The following IL12RB1 variants were observed in gnomAD, a reference collection of about 807,000 sequenced individuals.
IL12RB1 encodes the protein interleukin 12 receptor subunit beta 1.
IL12RB1 carries 64 observed loss-of-function variants against 94.4 expected under a neutral mutation model. That is an observed-to-expected ratio of 0.68 (90% CI 0.55 to 0.83). The LOEUF (loss-of-function observed/expected upper bound fraction) is 0.83, where lower values mean the gene tolerates loss of function less well. Ranked by LOEUF, IL12RB1 falls within the 40% of genes least tolerant of loss-of-function variation. IL12RB1 has a pLI of 0.00. For missense variants in IL12RB1, 814 were observed against 855.6 expected (o/e 0.95, Z 0.61); for synonymous variants, 362 against 355.5 (o/e 1.02, Z -0.21).
At chr19:18,079,103 A>AT (rs2035689386) in intron 4 of IL12RB1, among the ~76,000 whole-genome samples, 2 of 139,544 alleles carry the variant, frequency 1.4e-5, no homozygotes, top group South Asian at 2.3e-4. Context: ...GAACACTTAA[A>AT]ATTTTTTTTT....
intron 4 of IL12RB1, 40 bp from the exon 5 acceptor site, chr19:18,077,695 C>A: frequency 7.3e-7 from 1 of 1,367,022 alleles, no homozygotes; most frequent in South Asian, 1.2e-5. Context: ...GCAGCCCACA[C>A]GTATGTGAGT....
chr19:18,060,423 G>A (rs2034037871), intron 15 of IL12RB1, among the ~76,000 whole-genome samples: 1 of 152,144 alleles, frequency 6.6e-6, no homozygotes, highest in Non-Finnish European at 1.5e-5. Flanking sequence ...AGGTTGCAGT[G>A]AGCCGAGATG....
intron 9 of IL12RB1, among the ~76,000 whole-genome samples, chr19:18,070,241 C>T (rs2034926579): frequency 6.6e-6 from 1 of 152,204 alleles, no homozygotes; most frequent in Non-Finnish European, 1.5e-5. Context: ...TTTGAATGAG[C>T]TGAGTCCTCC....
Position 18,072,925 on chromosome 19 carries a change from C to T in IL12RB1, c.784-576G>A, listed in dbSNP as rs17878406. On this transcript the variant is annotated intron_variant, in intron 8 of 16. Transcript: ENST00000593993. The stretch of plus-strand genomic sequence containing the variant: ...TGGCGCCACTGCACTCCAGCCTGGG[C>T]GACAGAGCAAGACTCCATCTCAAAA... Among the ~76,000 whole-genome samples, 288 of 126,162 alleles carry T rather than the reference C, an allele frequency of 2.3e-3. 2 individuals carry two copies. Among genetic ancestry groups the T allele is most frequent in the African/African-American group, 8.2e-3 (268 of 32,570 alleles). 82.8% of individuals were successfully genotyped at this position (126,162 alleles called of 152,430 possible).
At chr19:18,094,670 C>A (rs2036802071) in intron 1 of IL12RB1, among the ~76,000 whole-genome samples, 1 of 152,090 alleles carries the variant, frequency 6.6e-6, no homozygotes, top group South Asian at 2.1e-4. Context: ...TTGAGATCAG[C>A]CTGGGTAACA....
chr19:18,088,089 T>C (rs2036453891), upstream of IL12RB1, among the ~76,000 whole-genome samples: 1 of 151,522 alleles, frequency 6.6e-6, no homozygotes, highest in Non-Finnish European at 1.5e-5. Context: ...CCCATCTCTA[T>C]AAAAAATAAA....
In IL12RB1 at chr19:18,077,871, G is replaced by A. The variant is rs370823; in HGVS notation, c.410-216C>T. ...GCTCACCCTGTAATTCCAGTATTTT[G>A]GGAGGCCAAGGCAGGAAGATCACTT... is the stretch of plus-strand genomic sequence containing the variant. On this transcript the variant is annotated intron_variant, in intron 4 of 16. Coordinates refer to ENST00000593993, the MANE Select transcript of IL12RB1 (RefSeq NM_005535.3). Among the ~76,000 whole-genome samples, 814 of 152,238 alleles carry A rather than the reference G, an allele frequency of 5.3e-3. 8 individuals carry two copies. Among genetic ancestry groups the A allele is most frequent in the African/African-American group, 0.019 (773 of 41,546 alleles).
At chr19:18,071,523 A>G (rs1258023245) in intron 9 of IL12RB1, among the ~76,000 whole-genome samples, 2 of 152,146 alleles carry the variant, frequency 1.3e-5, no homozygotes, top group Non-Finnish European at 2.9e-5. Flanking sequence ...ATGATGGCAC[A>G]TGCCTATATT....
chr19:18,072,575 A>G (rs528185671), intron 8 of IL12RB1, among the ~76,000 whole-genome samples: 2 of 152,198 alleles, frequency 1.3e-5, no homozygotes, highest in African/African-American at 4.8e-5. Context: ...AATTGACAAA[A>G]CCCACTGACA....
Position 18,073,928 on chromosome 19 carries a change from G to A in IL12RB1, c.701-329C>T, listed in dbSNP as rs952946568. The stretch of plus-strand genomic sequence containing the variant: ...CAATCTCTGCCTTCTGGGTTCAAGC[G>A]ATTCTCCTGCCTCAGCCTTCCAAGT... On this transcript the variant is annotated intron_variant, in intron 7 of 16. Coordinates refer to ENST00000593993, the MANE Select transcript of IL12RB1 (RefSeq NM_005535.3). Among the ~76,000 whole-genome samples the A allele has an allele frequency of 3.9e-5, 6 of 152,184 alleles. No homozygotes were observed. The South Asian group carries it at 1.0e-3, about 26-fold the overall frequency.
chr19:18,082,115 G>T, intron 3 of IL12RB1, 35 bp downstream of exon 3: 1 of 1,306,392 alleles, frequency 7.7e-7, no homozygotes, highest in Non-Finnish European at 1.1e-6. Flanking sequence ...GTGGGATGGT[G>T]GGTGAGGGTT....
In IL12RB1 at chr19:18,079,104, A is replaced by ATTT. The variant is rs562543069; in HGVS notation, c.410-1452_410-1450dup. 2.8e-4 allele frequency among the ~76,000 whole-genome samples: 39 copies of ATTT among 139,854 alleles called. 1 individual carries two copies. Among genetic ancestry groups the ATTT allele is most frequent in the Non-Finnish European group, 3.9e-4 (25 of 64,766 alleles). The allele number at this position is 139,854 out of a possible 152,430, so 91.7% of individuals were successfully genotyped here. The stretch of plus-strand genomic sequence containing the variant: ...TTGGTGTGTGGTGAGAACACTTAAA[A>ATTT]TTTTTTTTTTTTTTTTTGAGATGGA... On this transcript the variant is annotated intron_variant, in intron 4 of 16. Transcript: ENST00000593993.
At chr19:18,089,576 G>A (rs1023897896), upstream of IL12RB1, among the ~76,000 whole-genome samples, 3 of 146,756 alleles carry the variant, frequency 2.0e-5, no homozygotes, top group African/African-American at 7.6e-5. Flanking sequence ...AGTGAGCCGA[G>A]ATCACACCAC....
intron 1 of IL12RB1, among the ~76,000 whole-genome samples, chr19:18,093,905 C>T (rs569280473): frequency 7.9e-5 from 12 of 152,242 alleles, no homozygotes; most frequent in African/African-American, 1.4e-4. Flanking sequence ...ACCTTCAGCC[C>T]GAAGAGTGGG....
At position 18,059,622 on chromosome 19, in the gene IL12RB1, T is replaced by TACAACA. The variant is rs2033974418; in HGVS notation, c.1984-15_1984-10dup. 1 of 780,502 alleles carries TACAACA rather than the reference T, an allele frequency of 1.3e-6. No individual in the cohort carries two copies. The highest frequency in any genetic ancestry group is 1.7e-5 in the Admixed American group (1 of 58,952). 48.3% of individuals were successfully genotyped at this position (780,502 alleles called of 1,614,324 possible). On this transcript the variant is annotated splice_polypyrimidine_tract_variant and intron_variant, in intron 16 of 16. Coordinates refer to ENST00000593993, the MANE Select transcript of IL12RB1 (RefSeq NM_005535.3). The stretch of plus-strand genomic sequence containing the variant: ...AGCCTCAACGATCACATCTGTAAAG[T>TACAACA]ACAACAGTCATGGTTCCTTTCAGGG...
chr19:18,085,079 G>C (rs1208433858), intron 1 of IL12RB1, among the ~76,000 whole-genome samples: 2 of 152,158 alleles, frequency 1.3e-5, no homozygotes, highest in Non-Finnish European at 1.5e-5. Context: ...GTGCCCTTTG[G>C]GATTGCCACA....
At chr19:18,073,405 C>T (rs2035220218) in intron 8 of IL12RB1, 112 bp downstream of exon 8, 1 of 750,908 alleles carries the variant, frequency 1.3e-6, no homozygotes, top group Non-Finnish European at 2.4e-6. Context: ...CCACTTCCTG[C>T]CACCTCTACA....
chr19:18,094,794 C>CCAAAA (rs1158975111), intron 1 of IL12RB1, among the ~76,000 whole-genome samples: 4 of 149,564 alleles, frequency 2.7e-5, no homozygotes, highest in Non-Finnish European at 4.5e-5. Flanking sequence ...AGACCCTGTC[C>CCAAAA]CAAAACAAAA....
At chr19:18,062,142 A>G (rs1343343307) in intron 14 of IL12RB1, 39 bp downstream of exon 14, 2 of 1,325,582 alleles carry the variant, frequency 1.5e-6, no homozygotes, top group Middle Eastern at 1.8e-4. Context: ...GCCCAGCATC[A>G]TTACCATCGC....
Sources: gnomAD v4.1 joint callset for allele counts (sites outside exome capture counted in the v4.1 genomes callset) on GRCh38, gnomAD v4.1.1 for gene constraint, MANE v1.5 for transcripts, NCBI Gene and HGNC (gene_info 2026-07-23, HGNC 2026-07-21) for gene names.